The following OSBPL3 variants were observed in gnomAD, a reference collection of about 807,000 sequenced individuals.
OSBPL3 encodes oxysterol-binding protein-related protein 3.
Under a neutral mutation model 120.1 loss-of-function variants are expected in OSBPL3, and 65 were observed. That is an observed-to-expected ratio of 0.54 (90% CI 0.44 to 0.67). The LOEUF (loss-of-function observed/expected upper bound fraction) is 0.67, where lower values mean the gene tolerates loss of function less well. Among genes scored for constraint, OSBPL3 ranks in the 30% least tolerant of loss-of-function variants. The pLI is 0.00. For synonymous variants in OSBPL3, 416 were observed against 402.6 expected (o/e 1.03, Z -0.40); for missense variants, 1,004 against 1,082.1 (o/e 0.93, Z 1.01).
intron 1 of OSBPL3, among the ~76,000 whole-genome samples, chr7:24,941,768 A>C (rs1006249101): frequency 6.6e-6 from 1 of 152,246 alleles, no homozygotes; most frequent in African/African-American, 2.4e-5. Context: ...GTAATACATC[A>C]TTGCATGGAA....
chr7:24,858,935 T>C (rs1411473805), intron 10 of OSBPL3, among the ~76,000 whole-genome samples: 1 of 152,242 alleles, frequency 6.6e-6, no homozygotes, highest in Non-Finnish European at 1.5e-5. Context: ...AACAATGTTT[T>C]ATAGGAATTT....
Position 24,892,381 on chromosome 7 carries a change from C to T in OSBPL3, c.92G>A (p.Arg31Gln), listed in dbSNP as rs757551901. ...TTTGCATGAGTTAAACTTTACCTGT[C>T]GACTTCCTTGCTTGGAAGAGCAGCT... is the stretch of plus-strand genomic sequence containing the variant. ...TSSCSSKQGSRQDSWEVVEGL... is the reference protein window; with the variant it reads ...TSSCSSKQGSQQDSWEVVEGL... Residue 31 changes from arginine to glutamine, a missense_variant, in exon 2 of 23, where the codon CGA becomes CAA. Physicochemically the swap from Arg to Gln is conservative, Grantham distance 43 (BLOSUM62 1). Coordinates refer to ENST00000313367, the MANE Select transcript of OSBPL3 (RefSeq NM_015550.4). 96 of 1,613,040 alleles carry T rather than the reference C, an allele frequency of 6.0e-5. No homozygotes were observed. The highest frequency in any genetic ancestry group is 7.8e-5 in the Non-Finnish European group (92 of 1,179,298).
intron 1 of OSBPL3, among the ~76,000 whole-genome samples, chr7:24,956,743 T>G (rs1043764329): frequency 6.6e-6 from 1 of 152,242 alleles, no homozygotes; most frequent in Non-Finnish European, 1.5e-5. Context: ...TAATAAAATT[T>G]TATTTTTCAA....
chr7:24,935,408 T>C (rs1584670309), intron 1 of OSBPL3, among the ~76,000 whole-genome samples: 1 of 152,180 alleles, frequency 6.6e-6, no homozygotes, highest in Middle Eastern at 3.2e-3. Context: ...TATGTGTATA[T>C]ATGTATTGTA....
chr7:24,876,530 TA>T (rs1802871809), intron 2 of OSBPL3, among the ~76,000 whole-genome samples: 1 of 152,246 alleles, frequency 6.6e-6, no homozygotes, highest in Non-Finnish European at 1.5e-5. Flanking sequence ...AGTAAAGTAC[TA>T]AGTATATATT....
rs970245380 is a variant in OSBPL3, at chr7:24,979,973, G to T, written c.-237C>A. 2.0e-6 allele frequency: 2 copies of T among 985,340 alleles called. No individual in the cohort carries two copies. Among genetic ancestry groups the T allele is most frequent in the Non-Finnish European group, 2.4e-6 (2 of 829,966 alleles). The allele number at this position is 985,340 out of a possible 1,614,324, so 61.0% of individuals were successfully genotyped here. ...ACAGAACCGGGAGAAGGCAACCCCG[G>T]CTTCTCCGGTACCCCCGCAACGTGC... On this transcript the variant is annotated 5_prime_UTR_variant, in exon 1 of 23. Coordinates refer to ENST00000313367, the MANE Select transcript of OSBPL3 (RefSeq NM_015550.4).
At chr7:24,978,511 G>A (rs1193836412) in intron 1 of OSBPL3, among the ~76,000 whole-genome samples, 1 of 152,186 alleles carries the variant, frequency 6.6e-6, no homozygotes, top group Non-Finnish European at 1.5e-5. Flanking sequence ...CAGCAAACGG[G>A]TGATGTGGCT....
Position 24,849,493 on chromosome 7 carries a change from C to G in OSBPL3, c.1159-317G>C, listed in dbSNP as rs1260404941. On this transcript the variant is annotated intron_variant, in intron 11 of 22. Coordinates refer to ENST00000313367, the MANE Select transcript of OSBPL3 (RefSeq NM_015550.4). This position sits in a 1 kb window ranked among gnomAD's most constrained non-coding sequence, Gnocchi z 5.4. ...CGGCTTCTGTTAAGACCAGTGGTTC[C>G]ACAGCATCTCCTCCTCCTCCCCAAC... 6.6e-6 allele frequency among the ~76,000 whole-genome samples: 1 copy of G among 152,172 alleles called. No homozygotes were observed. The highest frequency in any genetic ancestry group is 1.5e-5 in the Non-Finnish European group (1 of 68,026).
rs2128542682 is a variant in OSBPL3, at chr7:24,972,726, A to G, written c.-150+7160T>C. On this transcript the variant is annotated intron_variant, in intron 1 of 22. Transcript: ENST00000313367. This position sits in a 1 kb window ranked among gnomAD's most constrained non-coding sequence, Gnocchi z 4.3. ...TTAAAAAATATATACATACATAAATATACACACACATATATATACATATAT... is the reference window on the plus strand; with the variant it reads ...TTAAAAAATATATACATACATAAATGTACACACACATATATATACATATAT... Among the ~76,000 whole-genome samples, 1 of 152,282 alleles carries G rather than the reference A, an allele frequency of 6.6e-6. No individual in the cohort carries two copies. The highest frequency in any genetic ancestry group is 2.4e-5 in the African/African-American group (1 of 41,548).
chr7:24,897,369 AGGCTGGAGTGCAGTGG>A (rs905662001), intron 1 of OSBPL3, among the ~76,000 whole-genome samples: 3 of 121,058 alleles, frequency 2.5e-5, no homozygotes, highest in African/African-American at 9.8e-5. Flanking sequence ...TCTGTCGCCC[AGGCTGGAGTGCAGTGG>A]CGCGATCTCG....
chr7:24,812,304 C>CAAAAA (rs57963279), intron 19 of OSBPL3, among the ~76,000 whole-genome samples: 13 of 96,976 alleles, frequency 1.3e-4, no homozygotes, highest in South Asian at 3.1e-4. Flanking sequence ...GACTCCATCT[C>CAAAAA]AAAAAAAAAA....
intron 11 of OSBPL3, among the ~76,000 whole-genome samples, chr7:24,850,101 C>A (rs1798955624): frequency 6.6e-6 from 1 of 152,082 alleles, no homozygotes; most frequent in Non-Finnish European, 1.5e-5. Context: ...GAGTAAGCCT[C>A]ACTTACCTGC....
rs899064289 is a variant in OSBPL3, at chr7:24,922,769, A to C, written c.-149-30148T>G. On this transcript the variant is annotated intron_variant, in intron 1 of 22. Transcript: ENST00000313367. The surrounding 1 kb of genome is among the most constrained non-coding windows in gnomAD (Gnocchi z 4.3). The stretch of plus-strand genomic sequence containing the variant: ...ATCCCCTAGTCCTGCTTCAGGCTTC[A>C]GGTCAAGGATCTCTGTCCAACCCTG... Among the ~76,000 whole-genome samples, 1 of 152,080 alleles carries C rather than the reference A, an allele frequency of 6.6e-6. No individual in the cohort carries two copies. The highest frequency in any genetic ancestry group is 2.4e-5 in the African/African-American group (1 of 41,400).
rs1169228535 is a variant in OSBPL3, at chr7:24,863,501, T to C, written c.772A>G (p.Ile258Val). The C allele has an allele frequency of 6.2e-7, 1 of 1,612,186 alleles. No individual in the cohort carries two copies. Among genetic ancestry groups the C allele is most frequent in the Non-Finnish European group, 8.5e-7 (1 of 1,178,378 alleles). ...AGAAGAGGAGTCCGGCTCACCTGGATGGCGTTGATAGCTGGTGCCGAGTAT... is the reference window on the plus strand; with the variant it reads ...AGAAGAGGAGTCCGGCTCACCTGGACGGCGTTGATAGCTGGTGCCGAGTAT... The part of the protein sequence containing the change: ...RTYSAPAINA[I>V]QGGSFESPKK... Residue 258 changes from isoleucine to valine, a missense_variant, in exon 8 of 23, where the codon ATC becomes GTC. Ile to Val is a conservative substitution (Grantham distance 29). Transcript: ENST00000313367. The surrounding 1 kb of genome is among the most constrained non-coding windows in gnomAD (Gnocchi z 5.8).
At position 24,913,981 on chromosome 7, in the gene OSBPL3, TG is replaced by T. The variant is rs1360314957; in HGVS notation, c.-149-21361del. Among the ~76,000 whole-genome samples, 1 of 152,156 alleles carries T rather than the reference TG, an allele frequency of 6.6e-6. No individual in the cohort carries two copies. The highest frequency in any genetic ancestry group is 6.5e-5 in the Admixed American group (1 of 15,276). On this transcript the variant is annotated intron_variant, in intron 1 of 22. Transcript: ENST00000313367. This position sits in a 1 kb window ranked among gnomAD's most constrained non-coding sequence, Gnocchi z 5.3. ...AAATCGCAAGCACCATTCAATCCTT[TG>T]GTAAGAACATGCAGACTCTTGGGTG... is the stretch of plus-strand genomic sequence containing the variant.
chr7:24,815,058 C>T lies in OSBPL3; in HGVS notation c.2172+1G>A. 1 of 1,614,014 alleles carries T rather than the reference C, an allele frequency of 6.2e-7. No homozygotes were observed. The highest frequency in any genetic ancestry group is 8.5e-7 in the Non-Finnish European group (1 of 1,179,902). On this transcript the variant is annotated splice_donor_variant, in intron 19 of 22. Transcript: ENST00000313367. LOFTEE classifies it high-confidence loss of function. The surrounding 1 kb of genome is among the most constrained non-coding windows in gnomAD (Gnocchi z 5.1). ...AGAGCTCAGAGAGTCACTGGAGTTA[C>T]CTTTATAAAATTCACTTTGCAGTAG...
chr7:24,850,553 G>A (rs543565337), intron 11 of OSBPL3, among the ~76,000 whole-genome samples: 2 of 152,218 alleles, frequency 1.3e-5, no homozygotes, highest in South Asian at 4.1e-4. Context: ...CAACAGGGAT[G>A]CTGGCTTTGT....
At chr7:24,838,531 C>T (rs1169137065) in intron 14 of OSBPL3, among the ~76,000 whole-genome samples, 1 of 152,150 alleles carries the variant, frequency 6.6e-6, no homozygotes, top group Non-Finnish European at 1.5e-5. Flanking sequence ...TTAGCATTCT[C>T]GCAACATGAA....
At position 24,922,230 on chromosome 7, in the gene OSBPL3, G is replaced by A. The variant is rs1810475945; in HGVS notation, c.-149-29609C>T. ...GAAGGTTAACAAATACAAACTACAA[G>A]CACTGTACTATCTGGACTGTGTTAC... On this transcript the variant is annotated intron_variant, in intron 1 of 22. Coordinates refer to ENST00000313367, the MANE Select transcript of OSBPL3 (RefSeq NM_015550.4). The surrounding 1 kb of genome is among the most constrained non-coding windows in gnomAD (Gnocchi z 4.3). Among the ~76,000 whole-genome samples, 1 of 152,202 alleles carries A rather than the reference G, an allele frequency of 6.6e-6. No homozygotes were observed. Among genetic ancestry groups the A allele is most frequent in the Non-Finnish European group, 1.5e-5 (1 of 68,028 alleles).
Sources: allele counts gnomAD v4.1 joint callset (sites outside exome capture counted in the v4.1 genomes callset), GRCh38; gene constraint gnomAD v4.1.1; non-coding constraint Gnocchi (gnomAD v3.1); transcripts MANE v1.5; gene names NCBI Gene and HGNC (gene_info 2026-07-23, HGNC 2026-07-21).